The following MME variants were observed in gnomAD, a reference collection of about 807,000 sequenced individuals.
MME encodes neprilysin.
In MME, 98 loss-of-function variants were observed where a neutral mutation model predicts 113.2. The observed-to-expected ratio is 0.87, with a 90% CI of 0.74 to 1.02. The LOEUF (loss-of-function observed/expected upper bound fraction) is 1.02. MME is among the 50% of genes least tolerant of loss of function. The pLI is 0.00. For missense variants in MME, 836 were observed against 896.0 expected, an observed-to-expected ratio of 0.93 and a Z score of 0.86; for synonymous variants, 292 against 300.6, an observed-to-expected ratio of 0.97 and a Z score of 0.30.
At chr3:155,132,487 C>T (rs947974864) in intron 8 of MME, among the ~76,000 whole-genome samples, 3 of 151,986 alleles carry the variant, frequency 2.0e-5, no homozygotes, top group Non-Finnish European at 4.4e-5. Flanking sequence ...TGTTTAAAAC[C>T]GATGATCACC....
At chr3:155,099,909 T>C (rs1409703951) in intron 3 of MME, among the ~76,000 whole-genome samples, 1 of 152,210 alleles carries the variant, frequency 6.6e-6, no homozygotes, top group Non-Finnish European at 1.5e-5. Flanking sequence ...TTTGGGTATA[T>C]ACCCAGTAAT....
At chr3:155,048,597 G>T (rs1357811326) in intron 1 of MME, among the ~76,000 whole-genome samples, 5 of 152,090 alleles carry the variant, frequency 3.3e-5, no homozygotes, top group African/African-American at 1.2e-4. Flanking sequence ...ATTAGAGGGA[G>T]TCTGAAACTA....
intron 1 of MME, among the ~76,000 whole-genome samples, chr3:155,069,850 C>T (rs1714496208): frequency 6.6e-6 from 1 of 152,182 alleles, no homozygotes; most frequent in South Asian, 2.1e-4. Flanking sequence ...AAGAATGTGA[C>T]TCCCTTGCCC....
chr3:155,046,862 G>A (rs543669131), intron 1 of MME, among the ~76,000 whole-genome samples: 48 of 152,178 alleles, frequency 3.2e-4, no homozygotes, highest in African/African-American at 1.1e-3. Context: ...AGAGGATAAG[G>A]TTCTAAAGAA....
At chr3:155,174,716 T>C (rs1370656309) in intron 22 of MME, among the ~76,000 whole-genome samples, 1 of 152,132 alleles carries the variant, frequency 6.6e-6, no homozygotes, top group Non-Finnish European at 1.5e-5. Context: ...CCATATTTGC[T>C]ATGTCTAACC....
Position 155,183,664 on chromosome 3 carries a change from G to A in MME, c.*3205G>A, listed in dbSNP as rs961658530. The A allele has an allele frequency of 5.9e-5, 9 of 152,112 alleles. No individual in the cohort carries two copies. Among genetic ancestry groups the A allele is most frequent in the African/African-American group, 2.2e-4 (9 of 41,422 alleles). 9.4% of individuals were successfully genotyped at this position (152,112 alleles called of 1,614,324 possible). A position where few individuals can be genotyped will look rare whatever the true frequency, so the allele number is the denominator to read the frequency against. ...AATCAGAAATTTTTATCAGTTTCCAGTCTCAAAAATACAAAATAAAAACAA... is the reference window on the plus strand; with the variant it reads ...AATCAGAAATTTTTATCAGTTTCCAATCTCAAAAATACAAAATAAAAACAA... On this transcript the variant is annotated 3_prime_UTR_variant, in exon 23 of 23. Transcript: ENST00000360490.
chr3:155,112,084 T>C (rs889428818), intron 3 of MME, among the ~76,000 whole-genome samples: 3 of 152,116 alleles, frequency 2.0e-5, no homozygotes, highest in African/African-American at 7.2e-5. Context: ...TTAACTGAGG[T>C]GTTAAAGTTG....
chr3:155,071,561 G>T (rs1314861993), intron 1 of MME, among the ~76,000 whole-genome samples: 1 of 152,208 alleles, frequency 6.6e-6, no homozygotes, highest in African/African-American at 2.4e-5. Flanking sequence ...CATTTGGCAT[G>T]TAACAAATAT....
intron 14 of MME, among the ~76,000 whole-genome samples, chr3:155,146,592 T>C (rs7648334): frequency 0.42 from 63,633 of 151,706 alleles, 14,382 homozygotes; most frequent in African/African-American, 0.59. Flanking sequence ...AAGGAAAACC[T>C]CGTTTTCCAC....
chr3:155,046,567 G>A (rs1304819669), intron 1 of MME, among the ~76,000 whole-genome samples: 1 of 152,166 alleles, frequency 6.6e-6, no homozygotes, highest in Non-Finnish European at 1.5e-5. Flanking sequence ...GTGGGCACCT[G>A]TAATCCCAGT....
chr3:155,076,268 A>G (rs1714746938), upstream of MME, among the ~76,000 whole-genome samples: 1 of 152,194 alleles, frequency 6.6e-6, no homozygotes, highest in Non-Finnish European at 1.5e-5. Context: ...AAGCAAGTAT[A>G]TCTATGTTTC....
intron 10 of MME, among the ~76,000 whole-genome samples, chr3:155,141,062 C>T (rs1353944114): frequency 1.3e-5 from 2 of 152,120 alleles, no homozygotes; most frequent in Admixed American, 6.5e-5. Flanking sequence ...CATTTATTCT[C>T]GTGTATTAGT....
At chr3:155,115,433 T>C (rs1356900570) in intron 4 of MME, among the ~76,000 whole-genome samples, 1 of 152,034 alleles carries the variant, frequency 6.6e-6, no homozygotes, top group Non-Finnish European at 1.5e-5. Flanking sequence ...GTTTGTTTGT[T>C]TGTTTGTTTT....
intron 3 of MME, among the ~76,000 whole-genome samples, chr3:155,086,116 G>A (rs1030093835): frequency 6.6e-6 from 1 of 152,172 alleles, no homozygotes; most frequent in South Asian, 2.1e-4. Flanking sequence ...GCAGGCAGGT[G>A]GGGGCTGCTT....
In MME at chr3:155,140,792, T is replaced by C. The variant is rs147242053; in HGVS notation, c.957+500T>C. Among the ~76,000 whole-genome samples the C allele has an allele frequency of 2.6e-5, 4 of 152,240 alleles. No homozygotes were observed. In the East Asian group the frequency reaches 7.7e-4, roughly 29 times the overall value. ...GAAAAATACTAAAACTGAAAATCTT[T>C]CTGAGAGGCCATTATGTAGTCATCA... On this transcript the variant is annotated intron_variant, in intron 10 of 22. Coordinates refer to ENST00000360490, the MANE Select transcript of MME (RefSeq NM_007289.4).
chr3:155,158,179 T>A (rs1722449922), intron 16 of MME, among the ~76,000 whole-genome samples: 1 of 152,062 alleles, frequency 6.6e-6, no homozygotes, highest in Non-Finnish European at 1.5e-5. Flanking sequence ...CCTTTTCTAT[T>A]TCAATATTAG....
rs149450909 is a variant in MME, at chr3:155,132,459, A to T, written c.721-5643A>T. On this transcript the variant is annotated intron_variant, in intron 8 of 22. Coordinates refer to ENST00000360490, the MANE Select transcript of MME (RefSeq NM_007289.4). ...TTTTAAAACCCACAAAACTGCTATT[A>T]TATGGATTTTATCTAACTGTTTAAA... is the stretch of plus-strand genomic sequence containing the variant. Among the ~76,000 whole-genome samples, 423 of 152,282 alleles carry T rather than the reference A, an allele frequency of 2.8e-3. 6 individuals carry two copies. Among genetic ancestry groups the T allele is most frequent in the Non-Finnish European group, 6.3e-4 (43 of 68,024 alleles).
chr3:155,063,239 T>C (rs563379895), intron 1 of MME, among the ~76,000 whole-genome samples: 1 of 115,598 alleles, frequency 8.7e-6, no homozygotes, highest in Non-Finnish European at 1.6e-5. Flanking sequence ...TTATTATATA[T>C]TATATAATAA....
intron 3 of MME, among the ~76,000 whole-genome samples, chr3:155,086,137 A>T (rs1475875700): frequency 6.6e-6 from 1 of 152,166 alleles, no homozygotes; most frequent in Non-Finnish European, 1.5e-5. Flanking sequence ...CTGTACTCCA[A>T]GTGTAAGCTG....
Sources: allele counts gnomAD v4.1 joint callset (sites outside exome capture counted in the v4.1 genomes callset), GRCh38; gene constraint gnomAD v4.1.1; transcripts MANE v1.5; gene names NCBI Gene and HGNC (gene_info 2026-07-23, HGNC 2026-07-21).